Variants in ITFG1 observed in about 807,000 individuals in gnomAD.
The protein encoded by ITFG1 is integrin alpha FG-GAP repeat containing 1, also known as T-cell immunomodulatory protein.
In ITFG1, 34 loss-of-function variants were observed where a neutral mutation model predicts 81.8. The ratio of observed to expected loss-of-function variants is 0.42; its 90% CI spans 0.32 to 0.55. The LOEUF (loss-of-function observed/expected upper bound fraction) is 0.55. Among genes scored for constraint, ITFG1 ranks in the 20% least tolerant of loss-of-function variants. The pLI is 0.17. For synonymous variants in ITFG1, 285 were observed against 270.6 expected, an observed-to-expected ratio of 1.05 and a Z score of -0.52; for missense variants, 672 against 755.4, an observed-to-expected ratio of 0.89 and a Z score of 1.29.
At chr16:47,351,229 G>C (rs1006826108) in intron 8 of ITFG1, among the ~76,000 whole-genome samples, 3 of 152,210 alleles carry the variant, frequency 2.0e-5, no homozygotes, top group Admixed American at 6.5e-5. Context: ...GGCAGGAGAA[G>C]GAAATAAAGG....
intron 14 of ITFG1, among the ~76,000 whole-genome samples, chr16:47,176,437 A>C (rs1009622305): frequency 2.0e-5 from 3 of 152,230 alleles, no homozygotes; most frequent in Non-Finnish European, 2.9e-5. Flanking sequence ...GCAGAAGTTA[A>C]GAAGAGTGAA....
chr16:47,207,656 G>T (rs1057352888), intron 14 of ITFG1, among the ~76,000 whole-genome samples: 9 of 152,298 alleles, frequency 5.9e-5, no homozygotes, highest in Non-Finnish European at 8.8e-5. Flanking sequence ...AACAGATGCA[G>T]AGTTAAGAAG....
At chr16:47,293,006 T>C (rs544381905) in intron 10 of ITFG1, among the ~76,000 whole-genome samples, 1 of 149,950 alleles carries the variant, frequency 6.7e-6, no homozygotes, top group African/African-American at 2.4e-5. Context: ...TATGGTTGAG[T>C]AGTATTCCAT....
intron 1 of ITFG1, among the ~76,000 whole-genome samples, chr16:47,459,504 T>C (rs1001705353): frequency 2.6e-5 from 4 of 152,212 alleles, no homozygotes; most frequent in Non-Finnish European, 5.9e-5. Context: ...CTATACTACA[T>C]GTCAAGACTT....
At chr16:47,231,309 A>C (rs1371245901) in intron 13 of ITFG1, among the ~76,000 whole-genome samples, 1 of 152,262 alleles carries the variant, frequency 6.6e-6, no homozygotes, top group East Asian at 1.9e-4. Context: ...CAAGTCACAG[A>C]GAAAAACGCC....
intron 8 of ITFG1, among the ~76,000 whole-genome samples, chr16:47,352,054 T>C (rs2151581858): frequency 6.6e-6 from 1 of 152,252 alleles, no homozygotes; most frequent in Non-Finnish European, 1.5e-5. Context: ...ATACAAAAAT[T>C]AATTCAAGAT....
intron 10 of ITFG1, among the ~76,000 whole-genome samples, chr16:47,310,075 C>T (rs1017962918): frequency 6.6e-6 from 1 of 152,192 alleles, no homozygotes; most frequent in African/African-American, 2.4e-5. Flanking sequence ...GTAAACTCTG[C>T]ATAACAGAGC....
At chr16:47,186,813 G>A (rs1965224212) in intron 14 of ITFG1, among the ~76,000 whole-genome samples, 1 of 152,200 alleles carries the variant, frequency 6.6e-6, no homozygotes, top group Non-Finnish European at 1.5e-5. Context: ...AAAAGAGGAA[G>A]TCAAATTGTC....
intron 14 of ITFG1, among the ~76,000 whole-genome samples, chr16:47,208,399 A>C (rs1965526517): frequency 6.6e-6 from 1 of 152,224 alleles, no homozygotes; most frequent in Non-Finnish European, 1.5e-5. Flanking sequence ...AGTACTCATT[A>C]AGTGTAAGCT....
At chr16:47,403,228 CTTTTT>C (rs77676044) in intron 6 of ITFG1, among the ~76,000 whole-genome samples, 1 of 139,252 alleles carries the variant, frequency 7.2e-6, no homozygotes, top group Non-Finnish European at 1.6e-5. Flanking sequence ...GGTTACCTAC[CTTTTT>C]TTTTTTTTTT....
intron 7 of ITFG1, among the ~76,000 whole-genome samples, chr16:47,368,406 T>A (rs1162524924): frequency 6.7e-6 from 1 of 150,216 alleles, no homozygotes; most frequent in African/African-American, 2.5e-5. Flanking sequence ...ACAAGAAAAA[T>A]TAGCTGGGTT....
intron 14 of ITFG1, among the ~76,000 whole-genome samples, chr16:47,182,277 CA>C (rs1166520213): frequency 6.6e-6 from 1 of 150,626 alleles, no homozygotes; most frequent in Admixed American, 6.6e-5. Flanking sequence ...ATTCTGGCAG[CA>C]ATGGGAGCAT....
At chr16:47,316,394 G>A (rs769791506) in intron 8 of ITFG1, among the ~76,000 whole-genome samples, 1 of 151,728 alleles carries the variant, frequency 6.6e-6, no homozygotes, top group Non-Finnish European at 1.5e-5. Flanking sequence ...AATTTTTTTC[G>A]GAACCATGTA....
intron 8 of ITFG1, among the ~76,000 whole-genome samples, chr16:47,356,262 T>C (rs1968038417): frequency 6.6e-6 from 1 of 152,214 alleles, no homozygotes. Context: ...TTCTATGAAA[T>C]AGTTTCTGCC....
At chr16:47,194,338 G>A (rs1965330022) in intron 14 of ITFG1, among the ~76,000 whole-genome samples, 2 of 152,108 alleles carry the variant, frequency 1.3e-5, no homozygotes, top group South Asian at 4.1e-4. Flanking sequence ...TCTTGATAAT[G>A]GTAACCTCAT....
At chr16:47,160,164 A>C (rs1964779746) in intron 16 of ITFG1, among the ~76,000 whole-genome samples, 1 of 151,666 alleles carries the variant, frequency 6.6e-6, no homozygotes, top group Non-Finnish European at 1.5e-5. Flanking sequence ...ATTTTTAACA[A>C]ATCAGGAATG....
chr16:47,167,172 C>A (rs1322458819), intron 14 of ITFG1, among the ~76,000 whole-genome samples: 1 of 152,280 alleles, frequency 6.6e-6, no homozygotes, highest in East Asian at 1.9e-4. Context: ...ATAGAAGGTA[C>A]CATACATGTG....
chr16:47,425,714 T>A (rs1045232855), intron 6 of ITFG1: 1 of 151,964 alleles, frequency 6.6e-6, no homozygotes, highest in African/African-American at 2.4e-5. Flanking sequence ...TACCTCAGCT[T>A]CTTGAGTAGC....
intron 10 of ITFG1, among the ~76,000 whole-genome samples, chr16:47,289,315 T>G (rs1054507006): frequency 6.6e-6 from 1 of 152,222 alleles, no homozygotes; most frequent in Admixed American, 6.5e-5. Context: ...TACTATTCTT[T>G]TTCTGTTGCA....
Sources: allele counts gnomAD v4.1 joint callset (sites outside exome capture counted in the v4.1 genomes callset), GRCh38; gene constraint gnomAD v4.1.1; transcripts MANE v1.5; gene names NCBI Gene and HGNC (gene_info 2026-07-23, HGNC 2026-07-21).